GRIP1: variants seen among roughly 807,000 people sequenced by gnomAD.
The protein encoded by GRIP1 is glutamate receptor interacting protein 1.
A neutral mutation model predicts 129.9 loss-of-function variants in GRIP1; 45 were observed. The observed-to-expected ratio is 0.35, with a 90% confidence interval of 0.27 to 0.44. The LOEUF (loss-of-function observed/expected upper bound fraction) is 0.44, where lower values mean the gene tolerates loss of function less well. GRIP1 is among the 20% of genes least tolerant of loss of function. The probability of loss-of-function intolerance (pLI) is 1.00; values close to 1 mark genes in which losing one functional copy is unlikely to be tolerated. For missense variants in GRIP1, 1,196 were observed against 1,396.8 expected (o/e 0.86, Z 2.29); for synonymous variants, 530 against 520.8 (o/e 1.02, Z -0.24).
intron 1 of GRIP1, among the ~76,000 whole-genome samples, chr12:66,869,615 T>C (rs1170644894): frequency 1.3e-5 from 2 of 151,788 alleles, no homozygotes; most frequent in Non-Finnish European, 2.9e-5. Flanking sequence ...GCAAAGAAAA[T>C]GGCAAAGAGT....
intron 1 of GRIP1, among the ~76,000 whole-genome samples, chr12:66,750,516 G>T (rs1013932590): frequency 3.9e-5 from 6 of 152,148 alleles, no homozygotes; most frequent in African/African-American, 1.4e-4. Context: ...CCTGTCAAGG[G>T]GAGGAGGTCA....
chr12:66,457,224 A>C (rs2058994692), intron 9 of GRIP1, among the ~76,000 whole-genome samples: 1 of 152,170 alleles, frequency 6.6e-6, no homozygotes, highest in African/African-American at 2.4e-5. Context: ...TCTGATATGA[A>C]GTTTTTCATT....
intron 2 of GRIP1, among the ~76,000 whole-genome samples, chr12:66,588,012 A>T (rs1158945294): frequency 6.6e-6 from 1 of 151,970 alleles, no homozygotes; most frequent in African/African-American, 2.4e-5. Context: ...TTATATATTT[A>T]TATATAGATA....
chr12:67,034,141 A>T (rs1374026554), intron 1 of GRIP1, among the ~76,000 whole-genome samples: 1 of 152,208 alleles, frequency 6.6e-6, no homozygotes, highest in East Asian at 1.9e-4. Flanking sequence ...CAATGTTTCA[A>T]GAACCAACAA....
At chr12:66,785,309 TACATACATAC>T (rs2038288325) in intron 1 of GRIP1, among the ~76,000 whole-genome samples, 7 of 65,836 alleles carry the variant, frequency 1.1e-4, no homozygotes, top group African/African-American at 3.7e-4. Context: ...GAATTTAACA[TACATACATAC>T]ATACATACAT....
At chr12:66,715,158 A>G (rs1243766985) in intron 1 of GRIP1, among the ~76,000 whole-genome samples, 4 of 152,006 alleles carry the variant, frequency 2.6e-5, no homozygotes, top group Admixed American at 2.6e-4. Context: ...ACTATTTTCT[A>G]CTGCCAAGGG....
intron 1 of GRIP1, among the ~76,000 whole-genome samples, chr12:66,841,684 G>A (rs1020968059): frequency 6.6e-6 from 1 of 152,108 alleles, no homozygotes; most frequent in Non-Finnish European, 1.5e-5. Context: ...ATATAAAGGT[G>A]TGGCCATAAA....
At chr12:66,402,010 C>T (rs1233883729) in intron 16 of GRIP1, among the ~76,000 whole-genome samples, 2 of 152,168 alleles carry the variant, frequency 1.3e-5, no homozygotes, top group African/African-American at 4.8e-5. Flanking sequence ...TTACAAGGCC[C>T]ATAATGACTT....
chr12:66,788,689 C>A (rs2038435917), intron 1 of GRIP1, among the ~76,000 whole-genome samples: 1 of 152,104 alleles, frequency 6.6e-6, no homozygotes, highest in African/African-American at 2.4e-5. Context: ...AAAGCCCTCA[C>A]AAAACTGGTA....
At chr12:66,618,402 G>A (rs892052139) in intron 1 of GRIP1, among the ~76,000 whole-genome samples, 5 of 152,044 alleles carry the variant, frequency 3.3e-5, no homozygotes, top group Non-Finnish European at 5.9e-5. Context: ...TTTTGTGTAC[G>A]AAGTAGAAAC....
chr12:66,436,560 G>A (rs942721512), intron 13 of GRIP1, among the ~76,000 whole-genome samples: 2 of 152,146 alleles, frequency 1.3e-5, no homozygotes, highest in Admixed American at 1.3e-4. Context: ...GTATGGTAAG[G>A]ATTTTGGTAA....
At chr12:66,815,850 TTCTTTC>T (rs1199252213) in intron 1 of GRIP1, among the ~76,000 whole-genome samples, 5 of 65,416 alleles carry the variant, frequency 7.6e-5, no homozygotes, top group African/African-American at 1.0e-4. Flanking sequence ...CTTTCTTTCT[TTCTTTC>T]TCTCTCTCTC....
chr12:66,353,543 A>G lies in GRIP1; in HGVS notation c.3033T>C (p.Ser1011=), dbSNP rs2054335739. The change falls in exon 24 of 25, where the codon TCT becomes TCC. Residue 1011 remains serine, a synonymous_variant. Coordinates refer to ENST00000359742, the MANE Select transcript of GRIP1 (RefSeq NM_001366722.1). ...ELHKVTLYKD[S]DMEDFGFSVA... ...CACTGAACCCAAAGTCCTCCATGTCAGAGTCCTTGTACAAGGTCACCTGAA... is the reference window on the plus strand; with the variant it reads ...CACTGAACCCAAAGTCCTCCATGTCGGAGTCCTTGTACAAGGTCACCTGAA... The G allele has an allele frequency of 6.2e-7, 1 of 1,613,920 alleles. No individual in the cohort carries two copies. Among genetic ancestry groups the G allele is most frequent in the Non-Finnish European group, 8.5e-7 (1 of 1,179,892 alleles).
chr12:66,393,010 A>C (rs1465782904), intron 17 of GRIP1, among the ~76,000 whole-genome samples, 194 bp from the exon 18 acceptor site: 1 of 152,092 alleles, frequency 6.6e-6, no homozygotes, highest in East Asian at 1.9e-4. Flanking sequence ...GTTTCCAATA[A>C]AATTTTAAAA....
chr12:66,826,661 T>C (rs1234247121), intron 1 of GRIP1, among the ~76,000 whole-genome samples: 1 of 151,568 alleles, frequency 6.6e-6, no homozygotes, highest in African/African-American at 2.4e-5. Context: ...ATAAATTAGA[T>C]GAAAATAAAC....
intron 1 of GRIP1, among the ~76,000 whole-genome samples, chr12:66,701,884 C>T (rs375622000): frequency 6.6e-6 from 1 of 152,170 alleles, no homozygotes; most frequent in Admixed American, 6.5e-5. Flanking sequence ...TTTGCAGTAG[C>T]TATATACTTA....
intron 1 of GRIP1, among the ~76,000 whole-genome samples, chr12:66,598,268 C>T (rs1329052244): frequency 6.6e-6 from 1 of 152,108 alleles, no homozygotes; most frequent in African/African-American, 2.4e-5. Flanking sequence ...TTAACAAGGT[C>T]TTTATACGCA....
At chr12:67,020,629 T>A (rs2042852143) in intron 1 of GRIP1, among the ~76,000 whole-genome samples, 1 of 152,052 alleles carries the variant, frequency 6.6e-6, no homozygotes, top group Non-Finnish European at 1.5e-5. Flanking sequence ...GGTCTTGAAC[T>A]CCTGGTCTCA....
intron 1 of GRIP1, among the ~76,000 whole-genome samples, chr12:66,875,344 G>A (rs1160550016): frequency 6.6e-6 from 1 of 152,074 alleles, no homozygotes; most frequent in Non-Finnish European, 1.5e-5. Flanking sequence ...TAGGTTTCCA[G>A]AAATGATTCT....
Sources: allele counts gnomAD v4.1 joint callset (sites outside exome capture counted in the v4.1 genomes callset), GRCh38; gene constraint gnomAD v4.1.1; transcripts MANE v1.5; gene names NCBI Gene and HGNC (gene_info 2026-07-23, HGNC 2026-07-21).